SBF2: variants seen among roughly 807,000 people sequenced by gnomAD.
SBF2 encodes SET binding factor 2.
A neutral mutation model predicts 225.2 loss-of-function variants in SBF2; 112 were observed. The observed-to-expected ratio is 0.50, with a 90% CI of 0.43 to 0.58. The LOEUF (loss-of-function observed/expected upper bound fraction) is 0.58, where lower values mean the gene tolerates loss of function less well. SBF2 is among the 20% of genes least tolerant of loss of function. The pLI is 0.00. For synonymous variants in SBF2, 763 were observed against 773.3 expected, an observed-to-expected ratio of 0.99 and a Z score of 0.22; for missense variants, 1,996 against 2,206.2, an observed-to-expected ratio of 0.90 and a Z score of 1.91.
chr11:10,063,584 C>T (rs2134766571), intron 2 of SBF2, among the ~76,000 whole-genome samples: 1 of 151,720 alleles, frequency 6.6e-6, no homozygotes, highest in East Asian at 1.9e-4. Context: ...GTCTCGATCT[C>T]CTGACCTCAT....
chr11:9,993,113 T>A lies in SBF2; in HGVS notation c.1054-10A>T. 6.3e-7 allele frequency: 1 copy of A among 1,577,264 alleles called. No individual in the cohort carries two copies. Among genetic ancestry groups the A allele is most frequent in the Non-Finnish European group, 8.7e-7 (1 of 1,150,206 alleles). ...CTCGCACCTCTTTATCCTAAAAATA[T>A]AAGAAGAAATGTTAGGTAATTTAAC... On this transcript the variant is annotated splice_polypyrimidine_tract_variant and intron_variant, in intron 10 of 39. Coordinates refer to ENST00000256190, the MANE Select transcript of SBF2 (RefSeq NM_030962.4).
intron 16 of SBF2, chr11:9,959,578 T>C (rs184260642): frequency 3.9e-6 from 3 of 769,650 alleles, no homozygotes; most frequent in South Asian, 1.3e-5. Flanking sequence ...AGGCATGAGA[T>C]ACATGTCACT....
Position 9,998,287 on chromosome 11 carries a change from C to G in SBF2, c.954G>C (p.Gln318His). The change falls in exon 9 of 40, where the codon CAG becomes CAC. Residue 318 changes from glutamine (Q) to histidine (H), a missense_variant. Physicochemically the swap from Gln to His is conservative, Grantham distance 24 (BLOSUM62 0). Coordinates refer to ENST00000256190, the MANE Select transcript of SBF2 (RefSeq NM_030962.4). ...LSSLPEPLLHQTQSALSLILH... is the reference protein window; with the variant it reads ...LSSLPEPLLHHTQSALSLILH... ...ATACCAAAGAAAGAGCTGATTGAGTCTGATGTAGAAGTGGTTCTGGGAGGG... is the reference window on the plus strand; with the variant it reads ...ATACCAAAGAAAGAGCTGATTGAGTGTGATGTAGAAGTGGTTCTGGGAGGG... The G allele has an allele frequency of 6.3e-7, 1 of 1,595,166 alleles. No individual in the cohort carries two copies. Among genetic ancestry groups the G allele is most frequent in the Non-Finnish European group, 8.6e-7 (1 of 1,163,116 alleles).
intron 16 of SBF2, among the ~76,000 whole-genome samples, chr11:9,920,819 AG>A (rs1302920755): frequency 6.6e-6 from 1 of 152,112 alleles, no homozygotes; most frequent in Non-Finnish European, 1.5e-5. Flanking sequence ...GTGATACCCT[AG>A]TCAGGGAAGC....
chr11:10,258,112 T>TACACAC (rs1369330250), intron 1 of SBF2, among the ~76,000 whole-genome samples: 2 of 82,356 alleles, frequency 2.4e-5, no homozygotes, highest in African/African-American at 4.7e-5. Context: ...ACACACACTT[T>TACACAC]TTTTTTTTTT....
At chr11:9,942,116 G>C (rs966550666) in intron 16 of SBF2, among the ~76,000 whole-genome samples, 1 of 152,252 alleles carries the variant, frequency 6.6e-6, no homozygotes, top group Non-Finnish European at 1.5e-5. Flanking sequence ...CTGTCACCTG[G>C]GCTGGAGTGC....
In SBF2 at chr11:9,788,827, G is replaced by C. The variant is rs187225; in HGVS notation, c.4932+282C>G. 3.4e-5 allele frequency among the ~76,000 whole-genome samples: 5 copies of C among 149,114 alleles called. No individual in the cohort carries two copies. The East Asian group carries it at 9.8e-4, about 29-fold the overall frequency. On this transcript the variant is annotated intron_variant, in intron 35 of 39. Transcript: ENST00000256190. ...TTACTGTGTTAACCAGGATGGTCTCGATCTCCTGACCTTGTGATCTGCCCG... is the reference window on the plus strand; with the variant it reads ...TTACTGTGTTAACCAGGATGGTCTCCATCTCCTGACCTTGTGATCTGCCCG...
chr11:10,014,523 A>G (rs1044846321), intron 6 of SBF2, among the ~76,000 whole-genome samples: 2 of 146,578 alleles, frequency 1.4e-5, no homozygotes, highest in African/African-American at 2.7e-5. Flanking sequence ...AAAAAAAAAA[A>G]AAAAACGAAA....
intron 2 of SBF2, among the ~76,000 whole-genome samples, chr11:10,066,522 T>C (rs1055022459): frequency 2.0e-5 from 3 of 152,052 alleles, no homozygotes; most frequent in Non-Finnish European, 2.9e-5. Context: ...AGAAAAATGA[T>C]ATGATCATTT....
intron 1 of SBF2, among the ~76,000 whole-genome samples, chr11:10,289,662 C>T (rs889025709): frequency 1.3e-5 from 2 of 152,076 alleles, no homozygotes; most frequent in Non-Finnish European, 2.9e-5. Flanking sequence ...CGGCCCTAGG[C>T]GGCCCTGCTC....
intron 17 of SBF2, among the ~76,000 whole-genome samples, chr11:9,884,185 C>T (rs1353817237): frequency 6.6e-6 from 1 of 152,132 alleles, no homozygotes; most frequent in African/African-American, 2.4e-5. Context: ...AGGATTAGAG[C>T]CCATATTGAG....
Position 9,968,394 on chromosome 11 carries a change from G to C in SBF2, c.1547C>G (p.Pro516Arg). The C allele has an allele frequency of 6.2e-7, 1 of 1,614,126 alleles. No individual in the cohort carries two copies. The highest frequency in any genetic ancestry group is 1.3e-5 in the African/African-American group (1 of 75,020). ...TTTCTTTTCTATTCGTGTGGCAGGA[G>C]GTGCATTCTGGTTCTTAGCAACATT... Reference protein sequence around the residue: ...QENVAKNQNAPPATRIEKKCV... With the variant: ...QENVAKNQNARPATRIEKKCV... Residue 516 changes from proline to arginine, a missense_variant, in exon 14 of 40, where the codon CCT becomes CGT. Physicochemically the swap from Pro to Arg is moderately radical, Grantham distance 103 (BLOSUM62 -2). Coordinates refer to ENST00000256190, the MANE Select transcript of SBF2 (RefSeq NM_030962.4).
intron 2 of SBF2, among the ~76,000 whole-genome samples, chr11:10,171,556 T>C (rs1447253937): frequency 6.6e-6 from 1 of 152,172 alleles, no homozygotes; most frequent in African/African-American, 2.4e-5. Flanking sequence ...TTATTGAGGA[T>C]TTTTTGCATC....
At position 10,063,858 on chromosome 11, in the gene SBF2, C is replaced by CACAGAGAGAGAGAGAGAGAG. The variant is rs373423157; in HGVS notation, c.142-20878_142-20877insCTCTCTCTCTCTCTCTCTGT. On this transcript the variant is annotated intron_variant, in intron 2 of 39. Transcript: ENST00000256190. ...ACACACACACACACACACACACACA[C>CACAGAGAGAGAGAGAGAGAG]AGAGAGAGAGAGAGAGAGAGAGAAA... 5.3e-3 allele frequency among the ~76,000 whole-genome samples: 718 copies of CACAGAGAGAGAGAGAGAGAG among 136,090 alleles called. 2 individuals are homozygous for CACAGAGAGAGAGAGAGAGAG. Among genetic ancestry groups the CACAGAGAGAGAGAGAGAGAG allele is most frequent in the East Asian group, 0.036 (161 of 4,494 alleles). The allele number at this position is 136,090 out of a possible 152,430, so 89.3% of individuals were successfully genotyped here.
chr11:9,907,263 C>T (rs950808403), intron 16 of SBF2, among the ~76,000 whole-genome samples: 13 of 152,116 alleles, frequency 8.5e-5, no homozygotes, highest in Admixed American at 4.6e-4. Context: ...CTTCTCGGTA[C>T]GGATCCACCT....
chr11:10,105,263 G>C (rs1056527028), intron 2 of SBF2, among the ~76,000 whole-genome samples: 1 of 152,144 alleles, frequency 6.6e-6, no homozygotes, highest in African/African-American at 2.4e-5. Context: ...TTAGGAGAGA[G>C]GGGTGAAGAA....
chr11:9,894,281 G>A (rs555004027), intron 17 of SBF2, among the ~76,000 whole-genome samples: 86 of 152,336 alleles, frequency 5.6e-4, no homozygotes, highest in African/African-American at 2.1e-3. Flanking sequence ...CACTTTGGGA[G>A]GCCAAGGCAG....
At chr11:10,028,428 T>C (rs776941558) in intron 6 of SBF2, 24 bp downstream of exon 6, 19 of 1,412,442 alleles carry the variant, frequency 1.3e-5, no homozygotes, top group East Asian at 9.1e-5. Context: ...CAAGATGACA[T>C]TGAAAATGGG....
chr11:10,162,646 T>C (rs1955801709), intron 2 of SBF2, among the ~76,000 whole-genome samples: 1 of 152,180 alleles, frequency 6.6e-6, no homozygotes, highest in Non-Finnish European at 1.5e-5. Flanking sequence ...AGAACCAAAT[T>C]ACCAGTACTC....
Sources: allele counts gnomAD v4.1 joint callset (sites outside exome capture counted in the v4.1 genomes callset), GRCh38; gene constraint gnomAD v4.1.1; transcripts MANE v1.5; gene names NCBI Gene and HGNC (gene_info 2026-07-23, HGNC 2026-07-21).